Variants in PLXDC2 observed in about 807,000 individuals in gnomAD.
PLXDC2 encodes plexin domain-containing protein 2.
PLXDC2 carries 40 observed loss-of-function variants against 68.9 expected under a neutral mutation model. The ratio of observed to expected loss-of-function variants is 0.58; its 90% confidence interval spans 0.45 to 0.76. The LOEUF is 0.76. PLXDC2 is among the 30% of genes least tolerant of loss of function. The probability of loss-of-function intolerance (pLI) is 0.00; values close to 1 mark genes in which losing one functional copy is unlikely to be tolerated. For missense variants in PLXDC2, 644 were observed against 661.9 expected (o/e 0.97, Z 0.30); for synonymous variants, 243 against 234.2 (o/e 1.04, Z -0.34).
chr10:19,863,307 AT>A (rs1564612870), intron 1 of PLXDC2, among the ~76,000 whole-genome samples: 1 of 152,192 alleles, frequency 6.6e-6, no homozygotes, highest in Non-Finnish European at 1.5e-5. Context: ...TCAAAACAAT[AT>A]TTAGTTCTGG....
chr10:19,896,761 C>G (rs1281147772), intron 1 of PLXDC2, among the ~76,000 whole-genome samples: 1 of 152,184 alleles, frequency 6.6e-6, no homozygotes, highest in African/African-American at 2.4e-5. Flanking sequence ...ATCAGGAACA[C>G]TCTTCCTTAA....
At chr10:20,158,394 A>C (rs1236516211) in intron 6 of PLXDC2, among the ~76,000 whole-genome samples, 1 of 150,436 alleles carries the variant, frequency 6.6e-6, no homozygotes, top group Non-Finnish European at 1.5e-5. Context: ...CTATACTTCT[A>C]AATAGCTTGT....
intron 1 of PLXDC2, among the ~76,000 whole-genome samples, chr10:19,885,929 A>G (rs567530833): frequency 5.9e-5 from 9 of 151,730 alleles, no homozygotes; most frequent in East Asian, 1.9e-4. Context: ...CATTGAATCT[A>G]TAAATTACCT....
chr10:20,034,652 A>C (rs967103363), intron 2 of PLXDC2, among the ~76,000 whole-genome samples: 8 of 152,330 alleles, frequency 5.3e-5, no homozygotes, highest in Admixed American at 5.2e-4. Flanking sequence ...ATAGCATAAG[A>C]ATGTAGAATG....
intron 10 of PLXDC2, among the ~76,000 whole-genome samples, chr10:20,213,723 G>A (rs888859261): frequency 6.6e-6 from 1 of 152,030 alleles, no homozygotes; most frequent in East Asian, 1.9e-4. Flanking sequence ...AAAGTTGATT[G>A]GAAATTTTTC....
intron 1 of PLXDC2, among the ~76,000 whole-genome samples, chr10:19,861,216 G>A (rs536813833): frequency 1.1e-3 from 161 of 151,852 alleles, no homozygotes; most frequent in African/African-American, 3.8e-3. Context: ...TGTATTTTTT[G>A]TAGAGATGGG....
chr10:19,990,459 C>A (rs1834728277), intron 1 of PLXDC2, among the ~76,000 whole-genome samples: 2 of 151,408 alleles, frequency 1.3e-5, no homozygotes, highest in African/African-American at 2.4e-5. Flanking sequence ...TTATGAAAAC[C>A]TTTTATAAAA....
intron 1 of PLXDC2, among the ~76,000 whole-genome samples, chr10:19,850,501 A>G (rs1219059978): frequency 3.9e-5 from 6 of 152,170 alleles, no homozygotes; most frequent in Non-Finnish European, 8.8e-5. Flanking sequence ...AAAAGGCAAA[A>G]TGCAAAGCAA....
intron 3 of PLXDC2, among the ~76,000 whole-genome samples, chr10:20,054,717 G>C (rs12265239): frequency 1.3e-5 from 2 of 151,910 alleles, no homozygotes; most frequent in Admixed American, 6.6e-5. Flanking sequence ...GTGGGGTGAG[G>C]GGGGAGGGAT....
chr10:19,855,112 G>A (rs537567549), intron 1 of PLXDC2, among the ~76,000 whole-genome samples: 11 of 152,168 alleles, frequency 7.2e-5, no homozygotes, highest in Non-Finnish European at 1.6e-4. Context: ...CTAGAATTGT[G>A]CCTGGTTCAT....
chr10:19,982,440 G>C (rs953317218), intron 1 of PLXDC2, among the ~76,000 whole-genome samples: 1 of 152,156 alleles, frequency 6.6e-6, no homozygotes, highest in Non-Finnish European at 1.5e-5. Flanking sequence ...GTTTATTTCA[G>C]TTGTGGTACA....
chr10:20,102,815 T>C (rs929694299), intron 4 of PLXDC2, among the ~76,000 whole-genome samples: 1 of 152,034 alleles, frequency 6.6e-6, no homozygotes, highest in Non-Finnish European at 1.5e-5. Context: ...CGGCTGGAGG[T>C]ATAATTTTAG....
chr10:20,104,025 G>A (rs1363463447), intron 4 of PLXDC2, among the ~76,000 whole-genome samples: 2 of 152,190 alleles, frequency 1.3e-5, no homozygotes, highest in African/African-American at 4.8e-5. Flanking sequence ...GAAGAAAGGA[G>A]TTGGCCTAAG....
At chr10:20,010,063 A>G (rs1835086438) in intron 2 of PLXDC2, among the ~76,000 whole-genome samples, 1 of 152,142 alleles carries the variant, frequency 6.6e-6, no homozygotes, top group African/African-American at 2.4e-5. Context: ...AAATTAATCA[A>G]TATTGCTGAA....
At chr10:20,019,695 C>A (rs576147826) in intron 2 of PLXDC2, among the ~76,000 whole-genome samples, 125 of 152,238 alleles carry the variant, frequency 8.2e-4, no homozygotes, top group African/African-American at 2.8e-3. Context: ...ATCTGAAGAC[C>A]AGGAAGAGAG....
intron 9 of PLXDC2, among the ~76,000 whole-genome samples, chr10:20,179,326 A>G (rs1834570993): frequency 6.6e-6 from 1 of 152,140 alleles, no homozygotes; most frequent in African/African-American, 2.4e-5. Context: ...TTAAAGGCAG[A>G]GACCATATCC....
At chr10:19,850,927 C>G (rs1837104411) in intron 1 of PLXDC2, among the ~76,000 whole-genome samples, 1 of 152,138 alleles carries the variant, frequency 6.6e-6, no homozygotes, top group South Asian at 2.1e-4. Flanking sequence ...TTTGCTTTCA[C>G]AAACATTTTG....
intron 1 of PLXDC2, among the ~76,000 whole-genome samples, chr10:19,909,037 A>G (rs932656965): frequency 2.6e-5 from 4 of 152,172 alleles, no homozygotes; most frequent in Non-Finnish European, 5.9e-5. Flanking sequence ...ACTGTTTCCT[A>G]TGATGTGTGT....
At chr10:20,037,999 C>T (rs546558520) in intron 2 of PLXDC2, among the ~76,000 whole-genome samples, 2 of 152,126 alleles carry the variant, frequency 1.3e-5, no homozygotes, top group Admixed American at 6.5e-5. Context: ...AATCCCAGCA[C>T]GCTGGGAGGC....
Sources: gnomAD v4.1 joint callset for allele counts (sites outside exome capture counted in the v4.1 genomes callset) on GRCh38, gnomAD v4.1.1 for gene constraint, MANE v1.5 for transcripts, NCBI Gene and HGNC (gene_info 2026-07-23, HGNC 2026-07-21) for gene names.